TSPAN9: variants seen among roughly 807,000 people sequenced by gnomAD.
TSPAN9 encodes tetraspanin-9.
TSPAN9 carries 16 observed loss-of-function variants against 31.0 expected under a neutral mutation model. The ratio of observed to expected loss-of-function variants is 0.52; its 90% CI spans 0.35 to 0.78. The LOEUF (loss-of-function observed/expected upper bound fraction) is 0.78, where lower values mean the gene tolerates loss of function less well. TSPAN9 is among the 30% of genes least tolerant of loss of function. The pLI is 0.01. For synonymous variants in TSPAN9, 145 were observed against 121.6 expected, an observed-to-expected ratio of 1.19 and a Z score of -1.27; for missense variants, 272 against 312.5, an observed-to-expected ratio of 0.87 and a Z score of 0.98.
intron 3 of TSPAN9, among the ~76,000 whole-genome samples, chr12:3,214,073 G>C (rs569446408): frequency 6.6e-6 from 1 of 152,236 alleles, no homozygotes; most frequent in Non-Finnish European, 1.5e-5. Flanking sequence ...CTAACTAGCC[G>C]TGTGATCCTG....
intron 2 of TSPAN9, chr12:3,174,101 A>T (rs2098353637): frequency 6.6e-6 from 1 of 152,328 alleles, no homozygotes; most frequent in South Asian, 2.1e-4. Context: ...TTGAGGCAGG[A>T]TCTTACTCTG....
intron 2 of TSPAN9, among the ~76,000 whole-genome samples, chr12:3,104,403 A>G (rs942871784): frequency 6.6e-6 from 1 of 151,780 alleles, no homozygotes; most frequent in Admixed American, 6.6e-5. Flanking sequence ...CCCAGGCTGG[A>G]GTCCGGTGGC....
intron 3 of TSPAN9, among the ~76,000 whole-genome samples, chr12:3,244,513 G>A (rs1300386381): frequency 1.3e-5 from 2 of 152,222 alleles, no homozygotes; most frequent in African/African-American, 4.8e-5. Context: ...AGAGGCAGCT[G>A]GTGACGTGGG....
chr12:3,102,482 T>C (rs995877478), intron 2 of TSPAN9, among the ~76,000 whole-genome samples: 2 of 146,822 alleles, frequency 1.4e-5, no homozygotes, highest in Non-Finnish European at 3.0e-5. Flanking sequence ...TCACCTAGGC[T>C]GGAGTGCAGT....
chr12:3,087,471 A>C (rs1256219586), intron 2 of TSPAN9, among the ~76,000 whole-genome samples: 4 of 151,860 alleles, frequency 2.6e-5, no homozygotes, highest in Non-Finnish European at 4.4e-5. Flanking sequence ...CCATGATCGT[A>C]CCACTGCACT....
At chr12:3,080,140 A>G (rs572101451) in intron 1 of TSPAN9, among the ~76,000 whole-genome samples, 1 of 152,030 alleles carries the variant, frequency 6.6e-6, no homozygotes. Flanking sequence ...TATTTGTGCA[A>G]CCTTGGGCAA....
intron 2 of TSPAN9, among the ~76,000 whole-genome samples, chr12:3,146,000 C>T (rs573420306): frequency 1.6e-4 from 25 of 152,230 alleles, no homozygotes; most frequent in Non-Finnish European, 3.4e-4. Flanking sequence ...CGGGGCCTGG[C>T]GGTGGCCTTC....
chr12:3,184,334 G>A (rs1214720862), intron 2 of TSPAN9, among the ~76,000 whole-genome samples: 3 of 152,076 alleles, frequency 2.0e-5, no homozygotes, highest in Non-Finnish European at 2.9e-5. Flanking sequence ...GGAAGTGGAG[G>A]CTGCAGTGAG....
At chr12:3,100,359 A>T (rs1019556783) in intron 2 of TSPAN9, among the ~76,000 whole-genome samples, 1 of 152,114 alleles carries the variant, frequency 6.6e-6, no homozygotes, top group African/African-American at 2.4e-5. Flanking sequence ...TGCCCTAAGA[A>T]TCTTAGCTGC....
intron 2 of TSPAN9, among the ~76,000 whole-genome samples, chr12:3,111,200 C>T (rs1402755229): frequency 6.6e-6 from 1 of 152,214 alleles, no homozygotes; most frequent in Admixed American, 6.5e-5. Context: ...TTCTGCTCCT[C>T]CTCTGAATTC....
intron 2 of TSPAN9, chr12:3,151,189 TGTGA>T (rs1280138437): frequency 6.6e-6 from 1 of 152,332 alleles, no homozygotes; most frequent in African/African-American, 2.4e-5. Flanking sequence ...TGTGCATGTG[TGTGA>T]GTGGGTGCAT....
intron 3 of TSPAN9, among the ~76,000 whole-genome samples, chr12:3,255,037 C>T (rs112807688): frequency 1.7e-4 from 26 of 152,278 alleles, no homozygotes; most frequent in African/African-American, 6.0e-4. Context: ...GCCAATCTCC[C>T]CACCCTGTGA....
chr12:3,250,646 C>G (rs1862230906), intron 3 of TSPAN9, among the ~76,000 whole-genome samples: 1 of 152,228 alleles, frequency 6.6e-6, no homozygotes, highest in African/African-American at 2.4e-5. Flanking sequence ...CACTCCCAGG[C>G]CTGGCCAGCC....
chr12:3,208,849 G>A (rs740771), intron 3 of TSPAN9, among the ~76,000 whole-genome samples: 1 of 152,008 alleles, frequency 6.6e-6, no homozygotes, highest in Admixed American at 6.5e-5. Context: ...TGAAGTGTAC[G>A]CCACATGTAT....
chr12:3,154,446 A>G (rs189118415), intron 2 of TSPAN9, among the ~76,000 whole-genome samples: 1 of 152,306 alleles, frequency 6.6e-6, no homozygotes, highest in African/African-American at 2.4e-5. Context: ...TCTCGCTCGC[A>G]CCCTTAGGGA....
intron 2 of TSPAN9, among the ~76,000 whole-genome samples, chr12:3,094,199 G>A (rs1422020275): frequency 6.6e-6 from 1 of 152,140 alleles, no homozygotes; most frequent in Non-Finnish European, 1.5e-5. Flanking sequence ...ACAGCCTCTT[G>A]GAGAGGCTTC....
At chr12:3,191,278 C>A (rs1296359126) in intron 2 of TSPAN9, among the ~76,000 whole-genome samples, 2 of 151,980 alleles carry the variant, frequency 1.3e-5, no homozygotes, top group Non-Finnish European at 2.9e-5. Context: ...GTGCTCTGGC[C>A]CACCCTCCTT....
Position 3,283,142 on chromosome 12 carries a change from C to A in TSPAN9, c.*26C>A. Reference sequence around the variant, plus strand: ...GCGGGCTGGCCGGGAGTGCCCACCCCGCCCTGCTGCCCTGTGGAGGGAAGA... The same window carrying A: ...GCGGGCTGGCCGGGAGTGCCCACCCAGCCCTGCTGCCCTGTGGAGGGAAGA... On this transcript the variant is annotated 3_prime_UTR_variant, in exon 9 of 9. Coordinates refer to ENST00000011898, the MANE Select transcript of TSPAN9 (RefSeq NM_006675.5). 6.2e-7 allele frequency: 1 copy of A among 1,603,540 alleles called. No homozygotes were observed. The highest frequency in any genetic ancestry group is 8.5e-7 in the Non-Finnish European group (1 of 1,178,592).
At position 3,283,214 on chromosome 12, in the gene TSPAN9, T is replaced by C; in HGVS notation, c.*98T>C. The C allele has an allele frequency of 7.7e-7, 1 of 1,291,890 alleles. No individual in the cohort carries two copies. Among genetic ancestry groups the C allele is most frequent in the Non-Finnish European group, 1.1e-6 (1 of 924,898 alleles). The allele number at this position is 1,291,890 out of a possible 1,614,324, so 80.0% of individuals were successfully genotyped here. On this transcript the variant is annotated 3_prime_UTR_variant, in exon 9 of 9. Transcript: ENST00000011898. ...GCCTGCGCTCTCCAGATATGACCCC[T>C]GCACCCACCCCCCACAGCCTGCCCT...
Sources: gnomAD v4.1 joint callset for allele counts (sites outside exome capture counted in the v4.1 genomes callset) on GRCh38, gnomAD v4.1.1 for gene constraint, MANE v1.5 for transcripts, NCBI Gene and HGNC (gene_info 2026-07-23, HGNC 2026-07-21) for gene names.